The following SLC14A1 variants were observed in gnomAD, a reference collection of about 807,000 sequenced individuals.
The protein encoded by SLC14A1 is solute carrier family 14 member 1 (Kidd blood group).
Under a neutral mutation model 39.6 loss-of-function variants are expected in SLC14A1, and 36 were observed. The observed-to-expected ratio is 0.91, with a 90% CI of 0.70 to 1.20. The LOEUF (loss-of-function observed/expected upper bound fraction) is 1.20, where lower values mean the gene tolerates loss of function less well. Among genes scored for constraint, SLC14A1 ranks in the 50% most tolerant of loss-of-function variants. The pLI is 0.00. For synonymous variants in SLC14A1, 164 were observed against 173.6 expected, an observed-to-expected ratio of 0.94 and a Z score of 0.43; for missense variants, 469 against 478.7, an observed-to-expected ratio of 0.98 and a Z score of 0.19.
chr18:45,726,335 G>C (rs2046861490), intron 2 of SLC14A1, among the ~76,000 whole-genome samples: 1 of 152,154 alleles, frequency 6.6e-6, no homozygotes, highest in Non-Finnish European at 1.5e-5. Context: ...ACAACAGGGG[G>C]AGAAAAAGAG....
At position 45,734,346 on chromosome 18, in the gene SLC14A1, C is replaced by A. The variant is rs765869708; in HGVS notation, c.414C>A (p.Asp138Glu). 4 of 1,613,640 alleles carry A rather than the reference C, an allele frequency of 2.5e-6. No homozygotes were observed. The highest frequency in any genetic ancestry group is 1.1e-5 in the South Asian group (1 of 91,058). The change falls in exon 5 of 10, where the codon GAC becomes GAA. Residue 138 changes from aspartate (D) to glutamate (E), a missense_variant. Transcript: ENST00000321925. ...GAGTACTCATGGCTGTCTTTTCGGA[C>A]AAGGGAGACTATTTCTGGTGGCTGT... ...LVGVLMAVFS[D>E]KGDYFWWLLL...
chr18:45,740,659 C>T (rs184458829), intron 8 of SLC14A1, among the ~76,000 whole-genome samples: 216 of 152,226 alleles, frequency 1.4e-3, no homozygotes, highest in Non-Finnish European at 2.1e-3. Context: ...CCTCAGCCTC[C>T]CAAGTAAAGT....
intron 5 of SLC14A1, among the ~76,000 whole-genome samples, chr18:45,735,206 G>T (rs1163714818): frequency 6.6e-6 from 1 of 152,226 alleles, no homozygotes; most frequent in Non-Finnish European, 1.5e-5. Flanking sequence ...TATAGCCAAA[G>T]TTGAGACCCA....
chr18:45,752,034 C>T lies in SLC14A1; in HGVS notation c.*2083C>T. On this transcript the variant is annotated 3_prime_UTR_variant, in exon 10 of 10. Transcript: ENST00000321925. Reference sequence around the variant, plus strand: ...CTCACTTCTTCCTTTTCTCAGGAAACCAAGCAAGCAAACATATCGTTCCAA... The same window carrying T: ...CTCACTTCTTCCTTTTCTCAGGAAATCAAGCAAGCAAACATATCGTTCCAA... 2 of 985,294 alleles carry T rather than the reference C, an allele frequency of 2.0e-6. No homozygotes were observed. Among genetic ancestry groups the T allele is most frequent in the Middle Eastern group, 5.2e-4 (1 of 1,914 alleles). The allele number at this position is 985,294 out of a possible 1,614,324, so 61.0% of individuals were successfully genotyped here.
Position 45,750,922 on chromosome 18 carries a change from A to G in SLC14A1, c.*971A>G. ...GGATGTCTTATAAAGACTGAAGGCA[A>G]AGGTCAGATTGCTTACGGGTGTTAT... On this transcript the variant is annotated 3_prime_UTR_variant, in exon 10 of 10. Coordinates refer to ENST00000321925, the MANE Select transcript of SLC14A1 (RefSeq NM_015865.7). 1.0e-6 allele frequency: 1 copy of G among 985,046 alleles called. No homozygotes were observed. Among genetic ancestry groups the G allele is most frequent in the East Asian group, 1.1e-4 (1 of 8,816 alleles). 61.0% of individuals were successfully genotyped at this position (985,046 alleles called of 1,614,324 possible). A position where few individuals can be genotyped will look rare whatever the true frequency, so the allele number is the denominator to read the frequency against.
At chr18:45,730,239 A>C (rs1337370446) in intron 2 of SLC14A1, 61 bp from the exon 3 acceptor site, 1 of 1,539,080 alleles carries the variant, frequency 6.5e-7, no homozygotes, top group Non-Finnish European at 8.8e-7. Context: ...CCAGGCCCAA[A>C]GCTGGCTAAT....
chr18:45,741,730 G>A (rs1375240413), intron 8 of SLC14A1, among the ~76,000 whole-genome samples: 1 of 152,210 alleles, frequency 6.6e-6, no homozygotes, highest in African/African-American at 2.4e-5. Flanking sequence ...GACAGGTGCT[G>A]TAGCCACCTG....
intron 3 of SLC14A1, among the ~76,000 whole-genome samples, chr18:45,730,782 C>T (rs1266756989): frequency 6.6e-6 from 1 of 152,146 alleles, no homozygotes; most frequent in Non-Finnish European, 1.5e-5. Flanking sequence ...GCATTAGATG[C>T]TTTCAGGAGC....
At chr18:45,745,719 A>G (rs958268570) in intron 8 of SLC14A1, among the ~76,000 whole-genome samples, 2 of 152,204 alleles carry the variant, frequency 1.3e-5, no homozygotes, top group African/African-American at 4.8e-5. Flanking sequence ...TGCCAACTTC[A>G]TCTCCAAAAG....
chr18:45,739,059 A>G, intron 6 of SLC14A1, 104 bp from the exon 7 acceptor site: 2 of 1,159,442 alleles, frequency 1.7e-6, no homozygotes, highest in Non-Finnish European at 2.6e-6. Flanking sequence ...TGAAAGAGGT[A>G]AGGTATGTCC....
chr18:45,742,124 G>A (rs543199659), intron 8 of SLC14A1, among the ~76,000 whole-genome samples: 130 of 152,206 alleles, frequency 8.5e-4, no homozygotes, highest in Non-Finnish European at 1.4e-3. Context: ...GATTCTCCAG[G>A]GGGCCATTTC....
intron 2 of SLC14A1, among the ~76,000 whole-genome samples, chr18:45,726,123 A>G (rs2046856427): frequency 6.6e-6 from 1 of 152,246 alleles, no homozygotes; most frequent in African/African-American, 2.4e-5. Context: ...ATAATGCAAC[A>G]TGCAGGCACA....
chr18:45,739,490 C>G (rs369987138), intron 7 of SLC14A1, 38 bp from the exon 8 acceptor site: 1 of 1,613,826 alleles, frequency 6.2e-7, no homozygotes, highest in Non-Finnish European at 8.5e-7. Flanking sequence ...GAACATCCTG[C>G]CTTTAGTCCT....
chr18:45,731,171 C>CCACT lies in SLC14A1; in HGVS notation c.310_313dup (p.Leu105HisfsTer113). On this transcript the variant is annotated frameshift_variant, in exon 4 of 10. Coordinates refer to ENST00000321925, the MANE Select transcript of SLC14A1 (RefSeq NM_015865.7). LOFTEE classifies it high-confidence loss of function. ...ACTGGCTGGCTGGGAACAGTGGTCT[C>CCACT]CACTCTGATGGCCCTCTTGCTCAGC... is the stretch of plus-strand genomic sequence containing the variant. 6.2e-7 allele frequency: 1 copy of CCACT among 1,613,976 alleles called. No individual in the cohort carries two copies. The highest frequency in any genetic ancestry group is 2.2e-5 in the East Asian group (1 of 44,888).
Position 45,752,322 on chromosome 18 carries a change from C to A in SLC14A1, c.*2371C>A. On this transcript the variant is annotated 3_prime_UTR_variant, in exon 10 of 10. Transcript: ENST00000321925. ...ATCTTCAGAACAGGGATCTACCATGCAGGAGCTTCTTGTGCTCACACAAAT... is the reference window on the plus strand; with the variant it reads ...ATCTTCAGAACAGGGATCTACCATGAAGGAGCTTCTTGTGCTCACACAAAT... The A allele has an allele frequency of 1.3e-6, 1 of 743,674 alleles. No homozygotes were observed. 46.1% of individuals were successfully genotyped at this position (743,674 alleles called of 1,614,324 possible). A position where few individuals can be genotyped will look rare whatever the true frequency, so the allele number is the denominator to read the frequency against.
chr18:45,749,242 C>G (rs1215547907), intron 9 of SLC14A1, among the ~76,000 whole-genome samples: 5 of 152,090 alleles, frequency 3.3e-5, no homozygotes, highest in Non-Finnish European at 7.3e-5. Flanking sequence ...CAGGTCAGAG[C>G]TAACCAATGG....
At chr18:45,726,919 TG>T in intron 2 of SLC14A1, 1 of 206,216 alleles carries the variant, frequency 4.8e-6, no homozygotes, top group Non-Finnish European at 1.0e-5. Flanking sequence ...CCTCCCCCTC[TG>T]GAAGAAGCAA....
In SLC14A1 at chr18:45,730,388, C is replaced by T. The variant is rs867037711; in HGVS notation, c.68C>T (p.Ser23Leu). 39 of 1,614,014 alleles carry T rather than the reference C, an allele frequency of 2.4e-5. No homozygotes were observed. The highest frequency in any genetic ancestry group is 1.6e-4 in the Middle Eastern group (1 of 6,080). The change falls in exon 3 of 10, where the codon TCG (serine) becomes TTG (leucine). Residue 23 changes from serine to leucine, a missense_variant. By Grantham distance (145) the Ser-to-Leu change is moderately radical. Transcript: ENST00000321925. ...PTMVRGENQVSPCQGRRCFPK... is the reference protein window; with the variant it reads ...PTMVRGENQVLPCQGRRCFPK... ...ATGGTTAGGGGTGAAAACCAGGTTT[C>T]GCCATGTCAAGGGAGAAGGTGCTTC...
At chr18:45,732,529 A>G (rs1035186692) in intron 4 of SLC14A1, among the ~76,000 whole-genome samples, 2 of 152,218 alleles carry the variant, frequency 1.3e-5, no homozygotes, top group Non-Finnish European at 2.9e-5. Flanking sequence ...CCCCACATTT[A>G]ATGTTCATCT....
Sources: allele counts gnomAD v4.1 joint callset (sites outside exome capture counted in the v4.1 genomes callset), GRCh38; gene constraint gnomAD v4.1.1; transcripts MANE v1.5; gene names NCBI Gene and HGNC (gene_info 2026-07-23, HGNC 2026-07-21).